Variants in PLCZ1 observed in about 807,000 individuals in gnomAD.
PLCZ1 encodes 1-phosphatidylinositol 4,5-bisphosphate phosphodiesterase zeta-1.
In PLCZ1, 64 loss-of-function variants were observed where a neutral mutation model predicts 76.8. That is an observed-to-expected ratio of 0.83 (90% CI 0.68 to 1.03). The LOEUF is 1.03. Among genes scored for constraint, PLCZ1 ranks in the 50% least tolerant of loss-of-function variants. PLCZ1 has a pLI of 0.00. For missense variants in PLCZ1, 751 were observed against 713.7 expected, an observed-to-expected ratio of 1.05 and a Z score of -0.60; for synonymous variants, 248 against 230.8, an observed-to-expected ratio of 1.07 and a Z score of -0.68.
intron 3 of PLCZ1, among the ~76,000 whole-genome samples, chr12:18,733,941 T>C (rs1378645677): frequency 6.6e-6 from 1 of 152,192 alleles, no homozygotes; most frequent in Non-Finnish European, 1.5e-5. Flanking sequence ...TTGGTTTTGG[T>C]TATTCAGGGT....
Position 18,688,889 on chromosome 12 carries a change from C to A in PLCZ1, c.1462-671G>T, listed in dbSNP as rs139123660. ...AAAAACGCAGTTATAAAAATTGAGG[C>A]ATAATTCCAATTTCTGAAGGTTACA... On this transcript the variant is annotated intron_variant, in intron 12 of 14. Coordinates refer to ENST00000266505, the MANE Select transcript of PLCZ1 (RefSeq NM_033123.4). Among the ~76,000 whole-genome samples, 1,000 of 151,596 alleles carry A rather than the reference C, an allele frequency of 6.6e-3. 10 individuals are homozygous for A. Among genetic ancestry groups the A allele is most frequent in the African/African-American group, 0.023 (946 of 41,284 alleles).
At chr12:18,731,089 C>G (rs556174074) in intron 3 of PLCZ1, 1 of 151,990 alleles carries the variant, frequency 6.6e-6, no homozygotes, top group Admixed American at 6.6e-5. Context: ...TCTTTTTTAA[C>G]CTCCTCTTTG....
intron 9 of PLCZ1, 23 bp downstream of exon 9, chr12:18,701,478 A>T (rs747302815): frequency 1.2e-6 from 2 of 1,614,020 alleles, no homozygotes; most frequent in South Asian, 2.2e-5. Context: ...CACTTGTAAG[A>T]TTTTCACAAA....
intron 14 of PLCZ1, 93 bp from the exon 15 acceptor site, chr12:18,683,417 C>G (rs1952624123): frequency 1.4e-6 from 2 of 1,467,680 alleles, no homozygotes; most frequent in Non-Finnish European, 1.9e-6. Context: ...CTTTACTAAG[C>G]CTACATTAAA....
the PLCZ1 span, among the ~76,000 whole-genome samples, chr12:18,669,539 G>T: frequency 6.6e-6 from 1 of 152,108 alleles, no homozygotes; most frequent in Non-Finnish European, 1.5e-5. Flanking sequence ...CAGTTCTGGA[G>T]GCTGGAAAGT....
chr12:18,700,304 G>A lies in PLCZ1; in HGVS notation c.1018-354C>T, dbSNP rs1429106478. On this transcript the variant is annotated intron_variant, in intron 9 of 14. Coordinates refer to ENST00000266505, the MANE Select transcript of PLCZ1 (RefSeq NM_033123.4). Reference sequence around the variant, plus strand: ...ATTGAAATGACTTCTATTACATAGCGAACATTTGCCATTTCACAACCTGGC... The same window carrying A: ...ATTGAAATGACTTCTATTACATAGCAAACATTTGCCATTTCACAACCTGGC... Among the ~76,000 whole-genome samples the A allele has an allele frequency of 5.9e-5, 9 of 151,530 alleles. No individual in the cohort carries two copies. The East Asian group carries it at 9.7e-4, about 16-fold the overall frequency.
At chr12:18,686,714 C>T in intron 13 of PLCZ1, among the ~76,000 whole-genome samples, 1 of 152,056 alleles carries the variant, frequency 6.6e-6, no homozygotes, top group Non-Finnish European at 1.5e-5. Flanking sequence ...AATTATTTTA[C>T]TTATAGCATC....
At chr12:18,721,513 T>A (rs1487062) in intron 4 of PLCZ1, among the ~76,000 whole-genome samples, 6 of 152,012 alleles carry the variant, frequency 3.9e-5, no homozygotes, top group East Asian at 3.9e-4. Flanking sequence ...TGTCACTGCC[T>A]CCATCCCAAC....
chr12:18,726,243 G>A (rs1041342535), intron 3 of PLCZ1, among the ~76,000 whole-genome samples: 1 of 151,954 alleles, frequency 6.6e-6, no homozygotes, highest in Non-Finnish European at 1.5e-5. Flanking sequence ...CCCACCTCAG[G>A]GTTCACTACC....
At chr12:18,735,999 G>A (rs886984713) in intron 3 of PLCZ1, 17 of 430,636 alleles carry the variant, frequency 3.9e-5, no homozygotes, top group Non-Finnish European at 6.6e-5. Context: ...TAGCATTTCT[G>A]TATGCTCAGG....
intron 5 of PLCZ1, among the ~76,000 whole-genome samples, chr12:18,713,390 C>T (rs1238188111): frequency 6.6e-6 from 1 of 152,030 alleles, no homozygotes; most frequent in East Asian, 1.9e-4. Context: ...TGTTCAAAGC[C>T]CTCTCAGAAT....
At chr12:18,737,854 T>C in intron 1 of PLCZ1, 78 bp downstream of exon 1, 1 of 278,350 alleles carries the variant, frequency 3.6e-6, no homozygotes, top group Non-Finnish European at 6.8e-6. Flanking sequence ...TTCCTGAAGT[T>C]GCAAAGTGCT....
intron 4 of PLCZ1, among the ~76,000 whole-genome samples, chr12:18,720,357 A>C (rs1287798989): frequency 6.6e-6 from 1 of 151,754 alleles, no homozygotes; most frequent in South Asian, 2.1e-4. Context: ...AAATATATAC[A>C]CATTTCTGTA....
At chr12:18,662,370 T>G in the PLCZ1 span, among the ~76,000 whole-genome samples, 1 of 151,888 alleles carries the variant, frequency 6.6e-6, no homozygotes. Context: ...AAGAAATTAA[T>G]AAATGAGGGA....
At chr12:18,731,382 G>T (rs1045838266) in intron 3 of PLCZ1, among the ~76,000 whole-genome samples, 2 of 152,044 alleles carry the variant, frequency 1.3e-5, no homozygotes, top group South Asian at 2.1e-4. Context: ...AAAGGCCCAG[G>T]TTCCTTAAGC....
At chr12:18,705,400 A>G (rs1406421121) in intron 6 of PLCZ1, 85 bp from the exon 7 acceptor site, 1 of 1,515,346 alleles carries the variant, frequency 6.6e-7, no homozygotes, top group Non-Finnish European at 9.1e-7. Flanking sequence ...AATGTATTTT[A>G]AAACTTACTT....
the PLCZ1 span, among the ~76,000 whole-genome samples, chr12:18,670,622 A>G: frequency 6.6e-6 from 1 of 152,180 alleles, no homozygotes; most frequent in African/African-American, 2.4e-5. Flanking sequence ...ACTTAGGATA[A>G]TGCTTGGAAT....
chr12:18,684,031 A>G, intron 14 of PLCZ1, 99 bp downstream of exon 14: 4 of 1,373,156 alleles, frequency 2.9e-6, no homozygotes, highest in Non-Finnish European at 4.1e-6. Context: ...TTTACATCCT[A>G]CTTTATGATA....
At chr12:18,697,212 C>A (rs1955188146) in intron 10 of PLCZ1, among the ~76,000 whole-genome samples, 1 of 151,978 alleles carries the variant, frequency 6.6e-6, no homozygotes, top group South Asian at 2.1e-4. Flanking sequence ...TTTGCTAAAC[C>A]AACTAGAATA....
Sources: gnomAD v4.1 joint callset for allele counts (sites outside exome capture counted in the v4.1 genomes callset) on GRCh38, gnomAD v4.1.1 for gene constraint, MANE v1.5 for transcripts, NCBI Gene and HGNC (gene_info 2026-07-23, HGNC 2026-07-21) for gene names.